Variants in KIAA1671 observed in about 807,000 individuals in gnomAD.
KIAA1671 encodes KIAA1671.
Under a neutral mutation model 131.2 loss-of-function variants are expected in KIAA1671, and 52 were observed. That is an observed-to-expected ratio of 0.40 (90% confidence interval 0.32 to 0.50). The LOEUF (loss-of-function observed/expected upper bound fraction) is 0.50. Among genes scored for constraint, KIAA1671 ranks in the 20% least tolerant of loss-of-function variants. KIAA1671 has a pLI of 0.73. For synonymous variants in KIAA1671, 1,003 were observed against 961.6 expected (o/e 1.04, Z -0.80); for missense variants, 2,360 against 2,364.2 (o/e 1.00, Z 0.04).
intron 6 of KIAA1671, among the ~76,000 whole-genome samples, chr22:25,118,138 CAAA>C (rs56262467): frequency 0.31 from 36,156 of 117,302 alleles, 5,252 homozygotes; most frequent in Non-Finnish European, 0.36. Flanking sequence ...AACTCTGTCT[CAAA>C]AAAAAAAAAA....
At chr22:24,996,585 C>T (rs1185518493) in intron 1 of KIAA1671, among the ~76,000 whole-genome samples, 1 of 151,994 alleles carries the variant, frequency 6.6e-6, no homozygotes, top group Non-Finnish European at 1.5e-5. Flanking sequence ...GTGACTCATG[C>T]ATCCCCGAGA....
At chr22:25,179,547 C>A in intron 9 of KIAA1671, 1 of 1,586,498 alleles carries the variant, frequency 6.3e-7, no homozygotes, top group South Asian at 1.1e-5. Flanking sequence ...AGCACCTGCG[C>A]CTCCTGCGTT....
At chr22:25,089,266 ATTTTTTTTTTTTTT>A (rs34941122) in intron 6 of KIAA1671, among the ~76,000 whole-genome samples, 1 of 89,278 alleles carries the variant, frequency 1.1e-5, no homozygotes, top group African/African-American at 4.9e-5. Flanking sequence ...TGTGTGTTTA[ATTTTTTTTTTTTTT>A]TTTTTTTTTT....
At chr22:25,147,575 A>G (rs1455226117) in intron 6 of KIAA1671, among the ~76,000 whole-genome samples, 3 of 152,078 alleles carry the variant, frequency 2.0e-5, no homozygotes, top group Non-Finnish European at 4.4e-5. Flanking sequence ...TTCCTCCTGG[A>G]GGTCCTCTTG....
At chr22:24,968,546 G>T (rs1922424756) in intron 1 of KIAA1671, among the ~76,000 whole-genome samples, 1 of 152,160 alleles carries the variant, frequency 6.6e-6, no homozygotes, top group Admixed American at 6.5e-5. Context: ...ATGGAATGGG[G>T]GTGCTGATCT....
intron 6 of KIAA1671, among the ~76,000 whole-genome samples, chr22:25,068,571 G>A (rs542566955): frequency 6.6e-6 from 1 of 152,264 alleles, no homozygotes; most frequent in East Asian, 1.9e-4. Flanking sequence ...CGAGTAGCTG[G>A]GACTACAGGC....
At chr22:25,106,459 G>A (rs576033542) in intron 6 of KIAA1671, among the ~76,000 whole-genome samples, 1 of 152,306 alleles carries the variant, frequency 6.6e-6, no homozygotes, top group Non-Finnish European at 1.5e-5. Context: ...TCTTAGTCAG[G>A]GGAGGTACTA....
chr22:25,001,946 C>T (rs1924500239), intron 1 of KIAA1671, among the ~76,000 whole-genome samples: 1 of 151,784 alleles, frequency 6.6e-6, no homozygotes, highest in East Asian at 1.9e-4. Context: ...AATATATAAT[C>T]ATGTATGAGT....
chr22:25,018,232 C>A (rs5996817), intron 1 of KIAA1671, among the ~76,000 whole-genome samples: 57,856 of 151,806 alleles, frequency 0.38, 11,293 homozygotes, highest in Middle Eastern at 0.52. Context: ...AACGTTCCCA[C>A]CGCATTCCCT....
At chr22:25,168,022 G>A (rs562044422) in intron 6 of KIAA1671, among the ~76,000 whole-genome samples, 4 of 152,174 alleles carry the variant, frequency 2.6e-5, no homozygotes, top group Non-Finnish European at 4.4e-5. Flanking sequence ...CACACAGCAG[G>A]CTTTTCCCCA....
intron 1 of KIAA1671, among the ~76,000 whole-genome samples, chr22:25,021,381 T>TTCTCAGTGAAATCTTCCC (rs1409858744): frequency 4.6e-5 from 7 of 152,070 alleles, no homozygotes; most frequent in South Asian, 2.1e-4. Flanking sequence ...TAAATGTCCC[T>TTCTCAGTGAAATCTTCCC]TCTCAGTGAA....
chr22:25,103,374 C>CCCCACCTTCTTTATTAACATAA (rs1930808814), intron 6 of KIAA1671, among the ~76,000 whole-genome samples: 1 of 152,038 alleles, frequency 6.6e-6, no homozygotes, highest in Non-Finnish European at 1.5e-5. Flanking sequence ...CCGCACCCGG[C>CCCCACCTTCTTTATTAACATAA]TAAAGACGGA....
Position 25,028,693 on chromosome 22 carries a change from G to C in KIAA1671, c.694G>C (p.Val232Leu). The C allele has an allele frequency of 6.4e-7, 1 of 1,551,222 alleles. No individual in the cohort carries two copies. The highest frequency in any genetic ancestry group is 1.2e-5 in the South Asian group (1 of 84,068). Residue 232 changes from valine to leucine, a missense_variant, in exon 3 of 13, where the codon GTG becomes CTG. Transcript: ENST00000358431. ...SSVEDTARPLVEPRPRLKRRP... is the reference protein window; with the variant it reads ...SSVEDTARPLLEPRPRLKRRP... The stretch of plus-strand genomic sequence containing the variant: ...TGTGGAGGACACGGCACGCCCCCTT[G>C]TGGAGCCCAGGCCTCGCCTGAAGAG...
At chr22:25,171,073 A>G (rs1933830044) in intron 7 of KIAA1671, 135 bp downstream of exon 7, 4 of 721,898 alleles carry the variant, frequency 5.5e-6, no homozygotes, top group African/African-American at 1.8e-5. Context: ...TTCTTCTTTT[A>G]AAAAGGAAAT....
At chr22:25,167,100 C>T (rs560303203) in intron 6 of KIAA1671, among the ~76,000 whole-genome samples, 9 of 152,196 alleles carry the variant, frequency 5.9e-5, no homozygotes, top group Non-Finnish European at 1.0e-4. Context: ...TCTAGCCCTG[C>T]GTCCCAGGGA....
In KIAA1671 at chr22:25,039,393, A is replaced by G. The variant is rs1926792421; in HGVS notation, c.2263A>G (p.Lys755Glu). The change falls in exon 5 of 13, where the codon AAA becomes GAA. Residue 755 changes from lysine (K) to glutamate (E), a missense_variant. This residue lies in a region of KIAA1671 where 1,185 missense variants were observed against 1,126.2 expected (regional missense o/e 1.05). Coordinates refer to ENST00000358431, the MANE Select transcript of KIAA1671 (RefSeq NM_001145206.2). ...GGCCATCTCACCGGCACCGGAGGAG[A>G]AAGCGGTCACGCTCCGCAGCCTCAG... ...SEAISPAPEEKAVTLRSLRSW... is the reference protein window; with the variant it reads ...SEAISPAPEEEAVTLRSLRSW... 2.6e-6 allele frequency: 4 copies of G among 1,551,762 alleles called. No individual in the cohort carries two copies. The highest frequency in any genetic ancestry group is 3.5e-6 in the Non-Finnish European group (4 of 1,147,006).
intron 6 of KIAA1671, among the ~76,000 whole-genome samples, chr22:25,099,745 C>G (rs1441797477): frequency 6.6e-6 from 1 of 151,940 alleles, no homozygotes; most frequent in Non-Finnish European, 1.5e-5. Flanking sequence ...GAACTCCTGA[C>G]CTCATGATCC....
At chr22:25,177,898 G>A (rs1307960657) in intron 9 of KIAA1671, among the ~76,000 whole-genome samples, 2 of 152,064 alleles carry the variant, frequency 1.3e-5, no homozygotes, top group Non-Finnish European at 2.9e-5. Flanking sequence ...TTGGTGGGGA[G>A]AGGGAGATGG....
intron 6 of KIAA1671, among the ~76,000 whole-genome samples, chr22:25,096,565 C>T (rs542140403): frequency 1.3e-5 from 2 of 152,304 alleles, no homozygotes; most frequent in South Asian, 2.1e-4. Context: ...GTCCTTTGCC[C>T]TCAAAGTTCT....
Sources: allele counts gnomAD v4.1 joint callset (sites outside exome capture counted in the v4.1 genomes callset), GRCh38; gene constraint gnomAD v4.1.1; regional missense constraint gnomAD v4.1.1; transcripts MANE v1.5; gene names NCBI Gene and HGNC (gene_info 2026-07-23, HGNC 2026-07-21).